The following ZNF536 variants were observed in gnomAD, a reference collection of about 807,000 sequenced individuals.
ZNF536 encodes zinc finger protein 536.
ZNF536 carries 13 observed loss-of-function variants against 84.5 expected under a neutral mutation model. That is an observed-to-expected ratio of 0.15 (90% CI 0.10 to 0.24). ZNF536 has a LOEUF of 0.24. Among genes scored for constraint, ZNF536 ranks in the 10% least tolerant of loss-of-function variants. ZNF536 has a pLI of 1.00. For synonymous variants in ZNF536, 811 were observed against 742.5 expected (o/e 1.09, Z -1.50); for missense variants, 1,536 against 1,747.5 (o/e 0.88, Z 2.16).
intron 1 of ZNF536, among the ~76,000 whole-genome samples, chr19:30,402,447 T>A (rs1160833524): frequency 2.0e-5 from 3 of 152,162 alleles, no homozygotes; most frequent in Non-Finnish European, 4.4e-5. Context: ...AGCATAATAC[T>A]TCTAAGGCAG....
intron 2 of ZNF536, among the ~76,000 whole-genome samples, chr19:30,299,014 G>A (rs1600127152): frequency 1.3e-5 from 2 of 151,654 alleles, no homozygotes; most frequent in South Asian, 2.1e-4. Flanking sequence ...CAAAGGGGGG[G>A]CCTGGGAAAG....
At chr19:30,483,042 G>T (rs1308807720) in intron 2 of ZNF536, among the ~76,000 whole-genome samples, 1 of 152,132 alleles carries the variant, frequency 6.6e-6, no homozygotes, top group East Asian at 1.9e-4. Flanking sequence ...GGGGACAGGG[G>T]TGCCCCATGT....
chr19:30,578,104 T>C (rs1046041358), intron 1 of ZNF536, among the ~76,000 whole-genome samples: 4 of 152,338 alleles, frequency 2.6e-5, no homozygotes, highest in African/African-American at 9.6e-5. Flanking sequence ...TCACCCACCC[T>C]GTATCCTATT....
chr19:30,636,715 A>G (rs148475985), intron 1 of ZNF536, among the ~76,000 whole-genome samples: 89 of 152,268 alleles, frequency 5.8e-4, no homozygotes, highest in African/African-American at 2.0e-3. Context: ...CATTTTGGTC[A>G]TGGAAGCACA....
chr19:30,569,336 G>A lies in ZNF536; in HGVS notation c.169+19822G>A, dbSNP rs117869637. On this transcript the variant is annotated intron_variant, in intron 1 of 1. Transcript: ENST00000592773. ...TACCCTGGAGATGCATCCATTCTTT[G>A]AAATGGGCTCTGCAGCCGTGTTCTT... 2.0e-3 allele frequency among the ~76,000 whole-genome samples: 301 copies of A among 152,140 alleles called. 1 individual carries two copies. Among genetic ancestry groups the A allele is most frequent in the Non-Finnish European group, 2.8e-3 (188 of 68,010 alleles).
chr19:30,236,105 C>T (rs1283174777), intron 1 of ZNF536, among the ~76,000 whole-genome samples: 1 of 152,198 alleles, frequency 6.6e-6, no homozygotes, highest in African/African-American at 2.4e-5. Context: ...TGTGGGAATG[C>T]GAGGAGGAAG....
chr19:30,422,903 A>G (rs953154167), intron 1 of ZNF536, among the ~76,000 whole-genome samples: 4 of 28,150 alleles, frequency 1.4e-4, no homozygotes, highest in Admixed American at 4.6e-4. Context: ...CTACCCACCC[A>G]CCCATCCCTC....
chr19:30,424,517 A>G (rs1006934957), intron 1 of ZNF536, among the ~76,000 whole-genome samples: 4 of 152,238 alleles, frequency 2.6e-5, no homozygotes, highest in Admixed American at 2.6e-4. Context: ...TAACAGGGGA[A>G]TCTCTGGGTT....
chr19:30,440,826 A>G (rs1188425547), intron 1 of ZNF536, among the ~76,000 whole-genome samples: 3 of 152,138 alleles, frequency 2.0e-5, no homozygotes, highest in East Asian at 1.9e-4. Context: ...CTGAGGATCT[A>G]GCAAAGGCAT....
intron 3 of ZNF536, among the ~76,000 whole-genome samples, chr19:30,544,076 A>G (rs773675410): frequency 1.3e-5 from 2 of 152,164 alleles, no homozygotes. Flanking sequence ...ATTAAAATTG[A>G]GCTTGTTTCT....
At chr19:30,255,450 G>T (rs1178330638) in intron 1 of ZNF536, among the ~76,000 whole-genome samples, 1 of 152,132 alleles carries the variant, frequency 6.6e-6, no homozygotes, top group Non-Finnish European at 1.5e-5. Context: ...CACGGGTTCG[G>T]GTGGATGCAT....
intron 1 of ZNF536, among the ~76,000 whole-genome samples, chr19:30,584,240 G>A (rs1331296635): frequency 1.3e-5 from 2 of 152,130 alleles, no homozygotes; most frequent in African/African-American, 4.8e-5. Context: ...TGCAAGTGGT[G>A]AGCAGCAGCT....
At chr19:30,269,053 A>G (rs1324999614) in intron 1 of ZNF536, among the ~76,000 whole-genome samples, 1 of 152,272 alleles carries the variant, frequency 6.6e-6, no homozygotes, top group African/African-American at 2.4e-5. Context: ...CATATGCTAA[A>G]CACTGAGGAA....
chr19:30,357,372 C>T (rs79093291), intron 3 of ZNF536, among the ~76,000 whole-genome samples: 13 of 152,116 alleles, frequency 8.5e-5, no homozygotes, highest in Non-Finnish European at 1.8e-4. Context: ...TGTAGGCCAG[C>T]GTGGCCAGAC....
chr19:30,287,625 GAT>G (rs2045685594), intron 2 of ZNF536, among the ~76,000 whole-genome samples: 3 of 140,596 alleles, frequency 2.1e-5, no homozygotes, highest in South Asian at 2.5e-4. Flanking sequence ...TGGGTGGGTG[GAT>G]GGATGGGTGG....
intron 4 of ZNF536, among the ~76,000 whole-genome samples, chr19:30,553,395 T>C (rs988691037): frequency 6.6e-6 from 1 of 152,202 alleles, no homozygotes. Flanking sequence ...GTGTTTCATC[T>C]GGGAGTTTGT....
chr19:30,290,331 G>A (rs1424576801), intron 2 of ZNF536, among the ~76,000 whole-genome samples: 3 of 152,174 alleles, frequency 2.0e-5, no homozygotes, highest in Non-Finnish European at 4.4e-5. Flanking sequence ...AGGCTGGAGT[G>A]CAGTGGCATG....
intron 1 of ZNF536, among the ~76,000 whole-genome samples, chr19:30,397,292 G>T (rs891400466): frequency 6.6e-6 from 1 of 152,316 alleles, no homozygotes; most frequent in East Asian, 1.9e-4. Context: ...TCTCCACCTA[G>T]CCCTCATCTT....
intron 1 of ZNF536, among the ~76,000 whole-genome samples, chr19:30,418,685 C>G (rs2050833046): frequency 6.6e-6 from 1 of 152,136 alleles, no homozygotes; most frequent in Admixed American, 6.5e-5. Flanking sequence ...GGAAGGGTGT[C>G]TATGATGATG....
Sources: gnomAD v4.1 joint callset for allele counts (sites outside exome capture counted in the v4.1 genomes callset) on GRCh38, gnomAD v4.1.1 for gene constraint, MANE v1.5 for transcripts, NCBI Gene and HGNC (gene_info 2026-07-23, HGNC 2026-07-21) for gene names.